Variants in CACNB4 observed in about 807,000 individuals in gnomAD.
The protein encoded by CACNB4 is calcium voltage-gated channel auxiliary subunit beta 4.
Under a neutral mutation model 71.2 loss-of-function variants are expected in CACNB4, and 32 were observed. That is an observed-to-expected ratio of 0.45 (90% CI 0.34 to 0.60). The LOEUF (loss-of-function observed/expected upper bound fraction) is 0.60. Ranked by LOEUF, CACNB4 falls within the 20% of genes least tolerant of loss-of-function variation. CACNB4 has a pLI of 0.01. For synonymous variants in CACNB4, 231 were observed against 236.9 expected, an observed-to-expected ratio of 0.97 and a Z score of 0.23; for missense variants, 464 against 647.9, an observed-to-expected ratio of 0.72 and a Z score of 3.08.
rs139756303 is a variant in CACNB4 at position 151,880,668 on chromosome 2, G to A, written c.390+132C>T. ...TCTTAATGAGAATGACTAGATTTGGGAGGCTCAGCAAATTAAATCATGTAC... is the reference window on the plus strand; with the variant it reads ...TCTTAATGAGAATGACTAGATTTGGAAGGCTCAGCAAATTAAATCATGTAC... On this transcript the variant is annotated intron_variant, in intron 4 of 13. Coordinates refer to ENST00000539935, the MANE Select transcript of CACNB4 (RefSeq NM_000726.5). 383 of 855,186 alleles carry A rather than the reference G, an allele frequency of 4.5e-4. No homozygotes were observed. The African/African-American group carries it at 5.8e-3, about 13-fold the overall frequency. 53.0% of individuals were successfully genotyped at this position (855,186 alleles called of 1,614,324 possible). A position where few individuals can be genotyped will look rare whatever the true frequency, so the allele number is the denominator to read the frequency against.
chr2:151,853,305 G>A, intron 12 of CACNB4, 143 bp downstream of exon 12: 1 of 563,856 alleles, frequency 1.8e-6, no homozygotes, highest in Non-Finnish European at 3.1e-6. Flanking sequence ...CATAACAGCA[G>A]CAGTTTGTTC....
rs749793379 is a variant in CACNB4, at chr2:151,842,015, G to A, written c.1190C>T (p.Ala397Val). The A allele has an allele frequency of 1.9e-6, 3 of 1,613,606 alleles. No homozygotes were observed. The highest frequency in any genetic ancestry group is 2.2e-5 in the East Asian group (1 of 44,878). Residue 397 changes from alanine to valine, a missense_variant, in exon 13 of 14, where the codon GCG (alanine) becomes GTG (valine). Coordinates refer to ENST00000539935, the MANE Select transcript of CACNB4 (RefSeq NM_000726.5). ...GGTTGTGTGGGTGGCACGCCAGTAC[G>A]CCTCCAGGTACTCCCCTAGATGTTC... Reference protein sequence around the residue: ...ACEHLGEYLEAYWRATHTTSS... With the variant: ...ACEHLGEYLEVYWRATHTTSS...
At chr2:151,980,642 G>C (rs964923918) in intron 2 of CACNB4, among the ~76,000 whole-genome samples, 1 of 152,302 alleles carries the variant, frequency 6.6e-6, no homozygotes, top group Middle Eastern at 3.4e-3. Context: ...CACTTTGGTT[G>C]ACAAAACAGT....
chr2:152,047,719 T>G (rs1220720563), intron 2 of CACNB4, among the ~76,000 whole-genome samples: 10 of 151,940 alleles, frequency 6.6e-5, no homozygotes. Context: ...CACAGTAAAT[T>G]AAAACCCTAT....
chr2:151,954,296 A>G (rs542973144), intron 2 of CACNB4, among the ~76,000 whole-genome samples: 1 of 152,358 alleles, frequency 6.6e-6, no homozygotes. Context: ...AAGGCTATGA[A>G]TTAATAGAGT....
intron 2 of CACNB4, among the ~76,000 whole-genome samples, chr2:152,037,120 C>A (rs4146376): frequency 0.19 from 28,270 of 152,162 alleles, 3,880 homozygotes; most frequent in East Asian, 0.73. Flanking sequence ...GGTTCCCAAG[C>A]ACTTATGTAG....
At chr2:151,899,114 T>C (rs1232096856) in intron 2 of CACNB4, among the ~76,000 whole-genome samples, 1 of 152,158 alleles carries the variant, frequency 6.6e-6, no homozygotes, top group Non-Finnish European at 1.5e-5. Context: ...ATTCAGCAGG[T>C]TGAACTGGAG....
At chr2:151,990,075 T>C (rs1681621927) in intron 2 of CACNB4, among the ~76,000 whole-genome samples, 1 of 152,222 alleles carries the variant, frequency 6.6e-6, no homozygotes, top group Non-Finnish European at 1.5e-5. Context: ...TCTTTCCATT[T>C]GAATACCAAA....
intron 6 of CACNB4, chr2:151,871,752 G>A (rs1046508449): frequency 6.6e-6 from 1 of 152,560 alleles, no homozygotes; most frequent in Admixed American, 6.5e-5. Context: ...TGGTAACTAG[G>A]ACACTGGATG....
Position 151,848,507 on chromosome 2 carries a change from T to G in CACNB4, c.1116+4941A>C, listed in dbSNP as rs143343983. The stretch of plus-strand genomic sequence containing the variant: ...GAAAATTACTACTGTGAGAGCAATA[T>G]GATCAAGGATAACTGGGCACTATCA... On this transcript the variant is annotated intron_variant, in intron 12 of 13. Transcript: ENST00000539935. Among the ~76,000 whole-genome samples the G allele has an allele frequency of 1.6e-4, 25 of 152,294 alleles. No homozygotes were observed. In the East Asian group the frequency reaches 4.2e-3, roughly 26 times the overall value.
At chr2:152,093,564 T>C (rs1035363332) in intron 2 of CACNB4, among the ~76,000 whole-genome samples, 1 of 152,196 alleles carries the variant, frequency 6.6e-6, no homozygotes, top group African/African-American at 2.4e-5. Context: ...AGTGATACAG[T>C]GTAGCTTTCA....
chr2:152,026,204 C>G (rs1381487689), intron 2 of CACNB4, among the ~76,000 whole-genome samples: 1 of 152,128 alleles, frequency 6.6e-6, no homozygotes, highest in Admixed American at 6.5e-5. Context: ...CCTTACAGAC[C>G]GGCCCTTCCA....
intron 2 of CACNB4, among the ~76,000 whole-genome samples, chr2:151,953,153 T>A (rs909892807): frequency 9.9e-5 from 15 of 152,204 alleles, no homozygotes; most frequent in African/African-American, 2.9e-4. Context: ...TCAGTCATCA[T>A]CAGTAGGAAT....
At chr2:151,914,634 G>A (rs915126173) in intron 2 of CACNB4, among the ~76,000 whole-genome samples, 1 of 152,190 alleles carries the variant, frequency 6.6e-6, no homozygotes, top group East Asian at 1.9e-4. Context: ...TGAGGCTGCT[G>A]ACCCTTGGAT....
intron 2 of CACNB4, among the ~76,000 whole-genome samples, chr2:152,014,980 C>G (rs1683263642): frequency 6.6e-6 from 1 of 152,174 alleles, no homozygotes; most frequent in African/African-American, 2.4e-5. Flanking sequence ...TGAATGTGCT[C>G]TCTTGTACAA....
chr2:152,029,507 A>AAAAGAAAAGAAAAG (rs1553815869), intron 2 of CACNB4, among the ~76,000 whole-genome samples: 8 of 104,746 alleles, frequency 7.6e-5, no homozygotes, highest in Non-Finnish European at 1.3e-4. Flanking sequence ...AAAAAAAAAA[A>AAAAGAAAAGAAAAG]AAAAGAAAAG....
At chr2:152,026,900 A>G (rs975604962) in intron 2 of CACNB4, among the ~76,000 whole-genome samples, 10 of 133,868 alleles carry the variant, frequency 7.5e-5, no homozygotes, top group African/African-American at 1.1e-4. Context: ...AGCATTTGAC[A>G]CAATTATCTT....
At chr2:151,959,011 G>C (rs1449888466) in intron 2 of CACNB4, among the ~76,000 whole-genome samples, 1 of 152,200 alleles carries the variant, frequency 6.6e-6, no homozygotes, top group Non-Finnish European at 1.5e-5. Context: ...CAGTATAGCA[G>C]ACAGGTCCAA....
chr2:151,944,024 TTTC>T (rs1488508359), intron 2 of CACNB4, among the ~76,000 whole-genome samples: 3 of 103,528 alleles, frequency 2.9e-5, no homozygotes, highest in Admixed American at 1.5e-4. Context: ...TTATACTTTC[TTTC>T]TTTTTTTTTT....
Sources: gnomAD v4.1 joint callset for allele counts (sites outside exome capture counted in the v4.1 genomes callset) on GRCh38, gnomAD v4.1.1 for gene constraint, MANE v1.5 for transcripts, NCBI Gene and HGNC (gene_info 2026-07-23, HGNC 2026-07-21) for gene names.